Variants in APLF observed in about 807,000 individuals in gnomAD.
APLF encodes aprataxin and PNK-like factor.
A neutral mutation model predicts 55.6 loss-of-function variants in APLF; 61 were observed. The observed-to-expected ratio is 1.10, with a 90% confidence interval of 0.89 to 1.36. The LOEUF (loss-of-function observed/expected upper bound fraction) is 1.36, where lower values mean the gene tolerates loss of function less well. Ranked by LOEUF, APLF falls within the 40% of genes most tolerant of loss-of-function variation. The probability of loss-of-function intolerance (pLI) is 0.00; values close to 1 mark genes in which losing one functional copy is unlikely to be tolerated. For synonymous variants in APLF, 207 were observed against 214.8 expected (o/e 0.96, Z 0.32); for missense variants, 611 against 602.5 (o/e 1.01, Z -0.15).
chr2:68,552,937 T>G (rs141716376), intron 8 of APLF, among the ~76,000 whole-genome samples: 1 of 152,144 alleles, frequency 6.6e-6, no homozygotes, highest in South Asian at 2.1e-4. Context: ...CTTGTTAATT[T>G]TAATTACAGT....
chr2:68,487,260 G>A (rs546603090), intron 1 of APLF, among the ~76,000 whole-genome samples: 22 of 152,164 alleles, frequency 1.4e-4, no homozygotes, highest in Admixed American at 8.5e-4. Context: ...GTTCTTTACT[G>A]TGTTCTAGTT....
At chr2:68,577,400 GAA>G (rs1671654771) in intron 9 of APLF, among the ~76,000 whole-genome samples, 1 of 152,110 alleles carries the variant, frequency 6.6e-6, no homozygotes, top group African/African-American at 2.4e-5. Context: ...CAGAACCAGA[GAA>G]AGAGTCTTAA....
intron 5 of APLF, among the ~76,000 whole-genome samples, chr2:68,519,235 TTA>T (rs1669816965): frequency 1.4e-5 from 2 of 139,922 alleles, no homozygotes; most frequent in African/African-American, 2.6e-5. Context: ...ACATAATATA[TTA>T]TATATTATAT....
chr2:68,480,621 A>G (rs1487854095), intron 1 of APLF, among the ~76,000 whole-genome samples: 2 of 151,538 alleles, frequency 1.3e-5, no homozygotes, highest in East Asian at 3.9e-4. Context: ...TTCTTACCTA[A>G]TTGCTCTGGC....
chr2:68,522,208 TAGTC>T (rs1266274619), intron 5 of APLF, among the ~76,000 whole-genome samples: 1 of 151,918 alleles, frequency 6.6e-6, no homozygotes, highest in Admixed American at 6.6e-5. Context: ...TTCTGATAAA[TAGTC>T]ATATCATGTT....
At chr2:68,500,437 C>G (rs191916767) in intron 2 of APLF, among the ~76,000 whole-genome samples, 10 of 152,082 alleles carry the variant, frequency 6.6e-5, no homozygotes, top group South Asian at 4.1e-4. Context: ...CAGAATATTG[C>G]GTGATCTCTG....
chr2:68,490,304 C>T (rs756414531), intron 2 of APLF, 43 bp downstream of exon 2: 2 of 1,545,918 alleles, frequency 1.3e-6, no homozygotes, highest in Admixed American at 1.8e-5. Context: ...TCATCTCTTA[C>T]CCTTTCAGTT....
Position 68,545,275 on chromosome 2 carries a change from G to A in APLF, c.1249G>A (p.Asp417Asn), listed in dbSNP as rs1035635393. The change falls in exon 8 of 10, where the codon GAC becomes AAC. Residue 417 changes from aspartate (D) to asparagine (N), a missense_variant. Asp to Asn is a conservative substitution (Grantham distance 23). Coordinates refer to ENST00000303795, the MANE Select transcript of APLF (RefSeq NM_173545.3). ...VQIVGQDETDDRPECPYGPSC... is the reference protein window; with the variant it reads ...VQIVGQDETDNRPECPYGPSC... Reference sequence around the variant, plus strand: ...AATCGTGGGCCAAGATGAGACTGATGACCGGCCTGAATGTCCCTATGGACC... The same window carrying A: ...AATCGTGGGCCAAGATGAGACTGATAACCGGCCTGAATGTCCCTATGGACC... The A allele has an allele frequency of 6.2e-7, 1 of 1,613,856 alleles. No homozygotes were observed. The highest frequency in any genetic ancestry group is 2.2e-5 in the East Asian group (1 of 44,874).
chr2:68,545,176 C>A lies in APLF; in HGVS notation c.1161-11C>A. The A allele has an allele frequency of 1.2e-6, 2 of 1,609,596 alleles. No homozygotes were observed. The highest frequency in any genetic ancestry group is 2.2e-5 in the South Asian group (2 of 90,372). On this transcript the variant is annotated splice_polypyrimidine_tract_variant and intron_variant, in intron 7 of 9. Coordinates refer to ENST00000303795, the MANE Select transcript of APLF (RefSeq NM_173545.3). Reference sequence around the variant, plus strand: ...TTTTTTTTTCTGACAGTATATTTGTCGCCCTCCTAGGAAGAATCCTGTTCA... The same window carrying A: ...TTTTTTTTTCTGACAGTATATTTGTAGCCCTCCTAGGAAGAATCCTGTTCA...
At chr2:68,511,348 A>G (rs556942721) in intron 3 of APLF, among the ~76,000 whole-genome samples, 1 of 151,882 alleles carries the variant, frequency 6.6e-6, no homozygotes, top group South Asian at 2.1e-4. Context: ...AAAAATATAT[A>G]TCACAGTGAC....
At chr2:68,517,095 T>G (rs1226706219) in intron 5 of APLF, among the ~76,000 whole-genome samples, 2 of 124,352 alleles carry the variant, frequency 1.6e-5, no homozygotes, top group Non-Finnish European at 3.1e-5. Flanking sequence ...TATTAATATA[T>G]AATATACTAA....
chr2:68,552,575 T>C (rs547730844), intron 8 of APLF, among the ~76,000 whole-genome samples: 1 of 152,278 alleles, frequency 6.6e-6, no homozygotes, highest in East Asian at 1.9e-4. Flanking sequence ...CAGGCTTTTT[T>C]TTCCTGTTGT....
chr2:68,488,048 A>C (rs892623718), intron 1 of APLF, among the ~76,000 whole-genome samples: 7 of 152,162 alleles, frequency 4.6e-5, no homozygotes, highest in African/African-American at 1.7e-4. Context: ...GAGATAGGAA[A>C]AGTTCATGTA....
At chr2:68,505,637 A>G (rs1558534778) in intron 3 of APLF, among the ~76,000 whole-genome samples, 1 of 152,118 alleles carries the variant, frequency 6.6e-6, no homozygotes, top group East Asian at 1.9e-4. Context: ...TACAAGTGCT[A>G]TATTACAGGA....
chr2:68,473,795 A>G (rs962482071), intron 1 of APLF, among the ~76,000 whole-genome samples: 23 of 152,182 alleles, frequency 1.5e-4, no homozygotes, highest in Admixed American at 9.2e-4. Flanking sequence ...CCTGTGATTG[A>G]ATATGTGGTT....
chr2:68,528,702 G>T (rs1670154659), intron 6 of APLF: 2 of 1,512,830 alleles, frequency 1.3e-6, no homozygotes, highest in Admixed American at 3.9e-5. Flanking sequence ...AGTGGGTCAG[G>T]CTTCCCAAAG....
intron 9 of APLF, among the ~76,000 whole-genome samples, chr2:68,573,598 G>A (rs13405390): frequency 0.11 from 16,340 of 151,282 alleles, 1,138 homozygotes; most frequent in African/African-American, 0.19. Flanking sequence ...GTTTGAACCC[G>A]GGAGACAGAG....
intron 8 of APLF, among the ~76,000 whole-genome samples, chr2:68,559,892 G>A (rs139207636): frequency 6.6e-6 from 1 of 152,038 alleles, no homozygotes. Flanking sequence ...ATAACAAACT[G>A]TCATGGCTTA....
intron 2 of APLF, among the ~76,000 whole-genome samples, chr2:68,500,853 A>C (rs1216371345): frequency 6.6e-6 from 1 of 152,224 alleles, no homozygotes; most frequent in Non-Finnish European, 1.5e-5. Context: ...AGAGCCTGTC[A>C]ATTTGTCATG....
Sources: allele counts gnomAD v4.1 joint callset (sites outside exome capture counted in the v4.1 genomes callset), GRCh38; gene constraint gnomAD v4.1.1; transcripts MANE v1.5; gene names NCBI Gene and HGNC (gene_info 2026-07-23, HGNC 2026-07-21).